CENPT: variants seen among roughly 807,000 people sequenced by gnomAD.
CENPT encodes the protein interphase centromere complex protein 22.
A neutral mutation model predicts 59.7 loss-of-function variants in CENPT; 42 were observed. That is an observed-to-expected ratio of 0.70 (90% CI 0.55 to 0.91). The LOEUF is 0.91. Ranked by LOEUF, CENPT falls within the 40% of genes least tolerant of loss-of-function variation. CENPT has a pLI of 0.00. For synonymous variants in CENPT, 295 were observed against 289.6 expected (o/e 1.02, Z -0.19); for missense variants, 716 against 713.4 (o/e 1.00, Z -0.04).
chr16:67,836,023 G>GT (rs2057733160), intron 1 of CENPT, among the ~76,000 whole-genome samples: 1 of 151,772 alleles, frequency 6.6e-6, no homozygotes, highest in Middle Eastern at 3.2e-3. Flanking sequence ...GATTACAGGC[G>GT]TGAGCCATGG....
In CENPT at chr16:67,842,526, T is replaced by C. The variant is rs756366744; in HGVS notation, c.-492+4875A>G. On this transcript the variant is annotated intron_variant, in intron 1 of 15. Coordinates refer to ENST00000562787, the MANE Select transcript of CENPT (RefSeq NM_025082.4). The surrounding 1 kb of genome is among the most constrained non-coding windows in gnomAD (Gnocchi z 4.9). ...GCCGTCGAAGAGCGCAGGAGGCCGG[T>C]GGGCCGGGCCGGGCCGCGCGGCGCA... 1.4e-6 allele frequency: 2 copies of C among 1,472,430 alleles called. No individual in the cohort carries two copies. The highest frequency in any genetic ancestry group is 2.7e-5 in the South Asian group (2 of 74,112). 91.2% of individuals were successfully genotyped at this position (1,472,430 alleles called of 1,614,324 possible). A position where few individuals can be genotyped will look rare whatever the true frequency, so the allele number is the denominator to read the frequency against.
At position 67,843,142 on chromosome 16, in the gene CENPT, T is replaced by TGCAGCCGCAGAGGGC. The variant is rs750317616; in HGVS notation, c.-492+4244_-492+4258dup. 8.1e-6 allele frequency: 13 copies of TGCAGCCGCAGAGGGC among 1,609,724 alleles called. No homozygotes were observed. The East Asian group carries it at 1.1e-4, about 14-fold the overall frequency. ...TCGATCTCACAGTGCAAGTGGAGTT[T>TGCAGCCGCAGAGGGC]GCAGCCGCAGAGGGCGCAGCCGCTG... On this transcript the variant is annotated intron_variant, in intron 1 of 15. Transcript: ENST00000562787. This position sits in a 1 kb window ranked among gnomAD's most constrained non-coding sequence, Gnocchi z 5.7.
At chr16:67,832,693 T>G in intron 4 of CENPT, 148 bp from the exon 5 acceptor site, 1 of 646,956 alleles carries the variant, frequency 1.5e-6, no homozygotes, top group African/African-American at 1.8e-5. Context: ...ATCGCCCCTG[T>G]TCCCAGCCCT....
intron 1 of CENPT, 144 bp downstream of exon 1, chr16:67,847,257 T>C (rs2057810462): frequency 6.6e-6 from 1 of 152,224 alleles, no homozygotes; most frequent in Admixed American, 6.5e-5. Flanking sequence ...GCCTGCGCCA[T>C]GGCCAGGCCT....
At position 67,828,718 on chromosome 16, in the gene CENPT, AAGCTAAAGAGTT is replaced by A. The variant is rs1276561798; in HGVS notation, c.1394_1405del (p.Lys465_Phe469delinsIle). On this transcript the variant is annotated inframe_deletion, in exon 14 of 16. Coordinates refer to ENST00000562787, the MANE Select transcript of CENPT (RefSeq NM_025082.4). ...CCTCTCCATGGGCATCTTGGCATAG[AAGCTAAAGAGTT>A]TCACATAGTGGCTCAGTCCAGCCTT... 15 of 1,614,030 alleles carry A rather than the reference AAGCTAAAGAGTT, an allele frequency of 9.3e-6. No homozygotes were observed. Among genetic ancestry groups the A allele is most frequent in the Non-Finnish European group, 1.3e-5 (15 of 1,180,032 alleles).
Position 67,831,862 on chromosome 16 carries a change from G to T in CENPT, c.415C>A (p.Pro139Thr). ...SLELQLPELE[P>T]PTTLAPGLLA... The stretch of plus-strand genomic sequence containing the variant: ...AGACCTGGAGCCAGGGTTGTGGGGG[G>T]CTCGAGCTCAGGAAGTTGCAGCTCC... Residue 139 changes from proline (P) to threonine (T), a missense_variant, in exon 8 of 16, where the codon CCC becomes ACC. Coordinates refer to ENST00000562787, the MANE Select transcript of CENPT (RefSeq NM_025082.4). The T allele has an allele frequency of 1.2e-6, 2 of 1,611,636 alleles. No individual in the cohort carries two copies. The highest frequency in any genetic ancestry group is 1.7e-6 in the Non-Finnish European group (2 of 1,179,296).
intron 1 of CENPT, among the ~76,000 whole-genome samples, chr16:67,837,954 T>C (rs2057742516): frequency 6.6e-6 from 1 of 152,102 alleles, no homozygotes; most frequent in Non-Finnish European, 1.5e-5. Flanking sequence ...GTATGACATA[T>C]CAGATTTTCT....
intron 4 of CENPT, among the ~76,000 whole-genome samples, chr16:67,833,058 C>T (rs1000486335): frequency 2.6e-5 from 4 of 152,174 alleles, no homozygotes; most frequent in Non-Finnish European, 4.4e-5. Context: ...TAATGAATGG[C>T]TTCTCATTCC....
intron 13 of CENPT, 37 bp from the exon 14 acceptor site, chr16:67,828,880 C>T (rs1263861610): frequency 1.9e-6 from 3 of 1,539,138 alleles, no homozygotes; most frequent in Non-Finnish European, 2.6e-6. Context: ...CTGAACTTGC[C>T]TCAAGGAGGC....
At chr16:67,832,191 G>C in intron 6 of CENPT, 37 bp downstream of exon 6, 1 of 1,611,236 alleles carries the variant, frequency 6.2e-7, no homozygotes, top group Non-Finnish European at 8.5e-7. Context: ...GGTTGGACTG[G>C]TACCTAACTC....
At chr16:67,839,339 G>A (rs961076819) in intron 1 of CENPT, among the ~76,000 whole-genome samples, 2 of 146,910 alleles carry the variant, frequency 1.4e-5, no homozygotes, top group Non-Finnish European at 3.0e-5. Context: ...AGCCTAGATC[G>A]TGCCACTTCA....
chr16:67,831,745 G>C lies in CENPT; in HGVS notation c.523+9C>G, dbSNP rs765224013. The C allele has an allele frequency of 6.3e-7, 1 of 1,581,268 alleles. No homozygotes were observed. The highest frequency in any genetic ancestry group is 1.2e-5 in the South Asian group (1 of 85,260). ...GAGAGGGTAGCAAAAGTGGTGTCCA[G>C]GGCCTCACCTTGGGAGAGAGACAGC... is the stretch of plus-strand genomic sequence containing the variant. On this transcript the variant is annotated intron_variant, in intron 8 of 15. Transcript: ENST00000562787.
Position 67,843,131 on chromosome 16 carries a change from C to G in CENPT, c.-492+4270G>C. On this transcript the variant is annotated intron_variant, in intron 1 of 15. Transcript: ENST00000562787. The surrounding 1 kb of genome is among the most constrained non-coding windows in gnomAD (Gnocchi z 5.7). ...CGTGAAGCCCATCGATCTCACAGTG[C>G]AAGTGGAGTTTGCAGCCGCAGAGGG... 1 of 1,610,192 alleles carries G rather than the reference C, an allele frequency of 6.2e-7. No individual in the cohort carries two copies. The highest frequency in any genetic ancestry group is 8.5e-7 in the Non-Finnish European group (1 of 1,179,654).
chr16:67,833,843 G>C lies in CENPT; in HGVS notation c.17C>G (p.Pro6Arg). 1.9e-6 allele frequency: 3 copies of C among 1,563,802 alleles called. No individual in the cohort carries two copies. The highest frequency in any genetic ancestry group is 2.6e-6 in the Non-Finnish European group (3 of 1,157,606). Residue 6 changes from proline (P) to arginine (R), a missense_variant, in exon 4 of 16, where the codon CCT becomes CGT. Physicochemically the swap from Pro to Arg is moderately radical, Grantham distance 103 (BLOSUM62 -2). Coordinates refer to ENST00000562787, the MANE Select transcript of CENPT (RefSeq NM_025082.4). ...CGTGCGCGGCGTGGAGTCGCTGTCA[G>C]GGTTGTGGTCAGCCATCGTCTCGGC... is the stretch of plus-strand genomic sequence containing the variant. MADHN[P>R]DSDSTPRTLL... is the part of the protein sequence containing the mutation.
In CENPT at chr16:67,828,544, G is replaced by C; in HGVS notation, c.1492C>G (p.Leu498Val). ...DKYFQHLCDDLEVFAAHAGRK... is the reference protein window; with the variant it reads ...DKYFQHLCDDVEVFAAHAGRK... The stretch of plus-strand genomic sequence containing the variant: ...CCAGCATGAGCAGCAAATACCTCCA[G>C]ATCATCACAAAGATGCTGGAAATAT... The change falls in exon 15 of 16, where the codon CTG (leucine) becomes GTG (valine). Residue 498 changes from leucine (L) to valine (V), a missense_variant. Transcript: ENST00000562787. The C allele has an allele frequency of 1.2e-6, 2 of 1,614,218 alleles. No homozygotes were observed. The highest frequency in any genetic ancestry group is 1.7e-6 in the Non-Finnish European group (2 of 1,180,046).
In CENPT at chr16:67,842,366, C is replaced by T; in HGVS notation, c.-492+5035G>A. The stretch of plus-strand genomic sequence containing the variant: ...GCGGGCAGCCAGGCGGGCGGCGCGG[C>T]GCGGGCCGGCAGGAAGCGTATTCTG... On this transcript the variant is annotated intron_variant, in intron 1 of 15. Transcript: ENST00000562787. This position sits in a 1 kb window ranked among gnomAD's most constrained non-coding sequence, Gnocchi z 4.9. The T allele has an allele frequency of 4.1e-6, 1 of 244,658 alleles. No individual in the cohort carries two copies. Among genetic ancestry groups the T allele is most frequent in the Admixed American group, 5.9e-5 (1 of 16,964 alleles). 15.2% of individuals were successfully genotyped at this position (244,658 alleles called of 1,614,324 possible). A position where few individuals can be genotyped will look rare whatever the true frequency, so the allele number is the denominator to read the frequency against.
chr16:67,828,464 G>A lies in CENPT; in HGVS notation c.1562+10C>T, dbSNP rs763317871. 8.7e-6 allele frequency: 14 copies of A among 1,614,004 alleles called. No individual in the cohort carries two copies. Among genetic ancestry groups the A allele is most frequent in the Middle Eastern group, 1.6e-4 (1 of 6,084 alleles). On this transcript the variant is annotated intron_variant, in intron 15 of 15. Transcript: ENST00000562787. ...CCCAGCCAGCACCCCCACACCTTCC[G>A]CCTTCTCACCGCCGCATCAGCAGCT...
intron 1 of CENPT, among the ~76,000 whole-genome samples, chr16:67,845,558 T>C (rs548519776): frequency 1.6e-3 from 239 of 152,350 alleles, no homozygotes; most frequent in African/African-American, 5.5e-3. Context: ...AGCAAGGCCT[T>C]TTCCAGGATC....
rs568074226 is a variant in CENPT at position 67,841,376 on chromosome 16, C to A, written c.-491-5718G>T. Reference sequence around the variant, plus strand: ...GTATTTTCCTACGCTTGGCCCTACCCGGGCCACCCCTTTCCAGGCTCTTTA... The same window carrying A: ...GTATTTTCCTACGCTTGGCCCTACCAGGGCCACCCCTTTCCAGGCTCTTTA... On this transcript the variant is annotated intron_variant, in intron 1 of 15. Transcript: ENST00000562787. Among the ~76,000 whole-genome samples, 105 of 152,204 alleles carry A rather than the reference C, an allele frequency of 6.9e-4. 1 individual carries two copies. Among genetic ancestry groups the A allele is most frequent in the Middle Eastern group, 3.4e-3 (1 of 294 alleles).
Sources: gnomAD v4.1 joint callset for allele counts (sites outside exome capture counted in the v4.1 genomes callset) on GRCh38, gnomAD v4.1.1 for gene constraint, Gnocchi (gnomAD v3.1) non-coding constraint, MANE v1.5 for transcripts, NCBI Gene and HGNC (gene_info 2026-07-23, HGNC 2026-07-21) for gene names.